The following CTBP2 variants were observed in gnomAD, a reference collection of about 807,000 sequenced individuals.
CTBP2 encodes the protein C-terminal-binding protein 2.
A neutral mutation model predicts 80.3 loss-of-function variants in CTBP2; 30 were observed. The ratio of observed to expected loss-of-function variants is 0.37; its 90% confidence interval spans 0.28 to 0.51. The LOEUF (loss-of-function observed/expected upper bound fraction) is 0.51, where lower values mean the gene tolerates loss of function less well. Among genes scored for constraint, CTBP2 ranks in the 20% least tolerant of loss-of-function variants. The pLI, the probability that CTBP2 is intolerant of heterozygous loss-of-function variation, is 0.93. For missense variants in CTBP2, 1,212 were observed against 1,375.3 expected, an observed-to-expected ratio of 0.88 and a Z score of 1.88; for synonymous variants, 594 against 587.4, an observed-to-expected ratio of 1.01 and a Z score of -0.16.
intron 6 of CTBP2, among the ~76,000 whole-genome samples, 157 bp downstream of exon 8, chr10:124,993,698 C>T (rs1364190739): frequency 1.3e-5 from 2 of 152,318 alleles, no homozygotes; most frequent in East Asian, 3.9e-4. Context: ...AATTAGAATA[C>T]AGCACAATCC....
rs529884486 is a variant in CTBP2, at chr10:125,056,986, T to G, written c.-101-17831A>C. Among the ~76,000 whole-genome samples, 3 of 152,242 alleles carry G rather than the reference T, an allele frequency of 2.0e-5. No individual in the cohort carries two copies. In the East Asian group the frequency reaches 5.8e-4, roughly 29 times the overall value. ...CACCTTCCCGAGGAAGACACAAGGG[T>G]CCCTCTGTCCCCGGGGTACACAGGG... On this transcript the variant is annotated intron_variant, in intron 2 of 10. Coordinates refer to the CTBP2 transcript ENST00000337195.
At chr10:125,009,041 G>A (rs1419733526) in intron 1 of CTBP2, among the ~76,000 whole-genome samples, 4 of 152,178 alleles carry the variant, frequency 2.6e-5, no homozygotes, top group Non-Finnish European at 5.9e-5. Flanking sequence ...AATAGAGAAT[G>A]TGAGGTCCCT....
intron 1 of CTBP2, among the ~76,000 whole-genome samples, chr10:125,126,245 G>A (rs1341791299): frequency 1.3e-5 from 2 of 152,156 alleles, no homozygotes; most frequent in Non-Finnish European, 2.9e-5. Flanking sequence ...TGGCAGGGTC[G>A]AGAGGAATGC....
chr10:125,025,878 C>T (rs1408225746), intron 1 of CTBP2, among the ~76,000 whole-genome samples: 1 of 152,246 alleles, frequency 6.6e-6, no homozygotes, highest in Non-Finnish European at 1.5e-5. Flanking sequence ...GCTGCCCCAG[C>T]AGATCTGGCC....
intron 2 of CTBP2, among the ~76,000 whole-genome samples, chr10:125,046,974 T>C (rs183861686): frequency 1.3e-5 from 2 of 152,348 alleles, no homozygotes; most frequent in East Asian, 3.9e-4. Context: ...AGAAAGAATT[T>C]GTGATTTTCC....
chr10:125,036,741 C>T (rs1958944627), intron 3 of CTBP2, among the ~76,000 whole-genome samples: 1 of 148,438 alleles, frequency 6.7e-6, no homozygotes, highest in Non-Finnish European at 1.5e-5. Context: ...TGTTCAAGGC[C>T]TTCAGGTGGA....
intron 3 of CTBP2, among the ~76,000 whole-genome samples, chr10:125,035,682 A>G (rs1958782751): frequency 1.3e-5 from 2 of 152,198 alleles, no homozygotes; most frequent in Non-Finnish European, 2.9e-5. Flanking sequence ...TCCCTTTGCA[A>G]TGCTGAGTGA....
chr10:125,036,248 A>G (rs1338755604), intron 3 of CTBP2, among the ~76,000 whole-genome samples: 2 of 152,298 alleles, frequency 1.3e-5, no homozygotes, highest in East Asian at 3.9e-4. Context: ...AAGGTTGTAC[A>G]AGTATCTGTG....
upstream of CTBP2, among the ~76,000 whole-genome samples, chr10:125,032,612 T>C (rs1958368846): frequency 1.3e-5 from 2 of 152,192 alleles, no homozygotes; most frequent in Non-Finnish European, 2.9e-5. Context: ...GCATGGCCGC[T>C]TAGCCCCTGA....
chr10:125,062,006 G>A (rs1245847547), intron 2 of CTBP2, among the ~76,000 whole-genome samples: 1 of 152,206 alleles, frequency 6.6e-6, no homozygotes, highest in Non-Finnish European at 1.5e-5. Flanking sequence ...ACCGAAGCCG[G>A]GTAGCCCAGG....
chr10:125,061,041 T>C (rs1016166509), intron 2 of CTBP2, among the ~76,000 whole-genome samples: 1 of 152,166 alleles, frequency 6.6e-6, no homozygotes, highest in Admixed American at 6.5e-5. Flanking sequence ...CCCTCAATGC[T>C]GAACTCTCCC....
At chr10:125,130,193 G>A (rs1437783271) in intron 1 of CTBP2, among the ~76,000 whole-genome samples, 1 of 152,052 alleles carries the variant, frequency 6.6e-6, no homozygotes, top group African/African-American at 2.4e-5. Context: ...GATTACAGAC[G>A]CACACCACCA....
chr10:125,076,528 C>T lies in CTBP2; in HGVS notation c.-102+34462G>A, dbSNP rs151140349. ...GGCCACCTCCCTTCTTTCATCACAGCCCCACACTCCTTCCAGCTCCTTCCA... is the reference window on the plus strand; with the variant it reads ...GGCCACCTCCCTTCTTTCATCACAGTCCCACACTCCTTCCAGCTCCTTCCA... On this transcript the variant is annotated intron_variant, in intron 2 of 10. Coordinates refer to the CTBP2 transcript ENST00000337195. Among the ~76,000 whole-genome samples, 1,407 of 152,304 alleles carry T rather than the reference C, an allele frequency of 9.2e-3. 9 individuals carry two copies. Among genetic ancestry groups the T allele is most frequent in the Non-Finnish European group, 0.015 (1,005 of 68,018 alleles).
At chr10:125,017,094 G>GA (rs1274111308) in intron 1 of CTBP2, among the ~76,000 whole-genome samples, 2 of 152,216 alleles carry the variant, frequency 1.3e-5, no homozygotes, top group Non-Finnish European at 2.9e-5. Context: ...GAGGAGGTAG[G>GA]AACCCCGGGG....
chr10:125,116,308 T>C (rs1020398202), intron 1 of CTBP2, among the ~76,000 whole-genome samples: 2 of 152,198 alleles, frequency 1.3e-5, no homozygotes, highest in African/African-American at 4.8e-5. Flanking sequence ...CTGAGGTTTC[T>C]GGAAGCATGG....
intron 2 of CTBP2, among the ~76,000 whole-genome samples, chr10:125,096,525 C>G (rs1849570344): frequency 6.6e-6 from 1 of 152,106 alleles, no homozygotes; most frequent in Admixed American, 6.5e-5. Flanking sequence ...CCCAGTAAAC[C>G]CCCTCCCTGC....
In CTBP2 at chr10:124,984,622, C is replaced by A; in HGVS notation, c.*4896G>T. On this transcript the variant is annotated 3_prime_UTR_variant, in exon 9 of 9. Coordinates refer to ENST00000309035, the MANE Select transcript of CTBP2 (RefSeq NM_022802.3). ...ACCAGAGCAAACTGGACTTTAATCA[C>A]AAAACTTCCAAGAGGTCAAAACCAT... The A allele has an allele frequency of 1.4e-6, 1 of 717,914 alleles. No individual in the cohort carries two copies. Among genetic ancestry groups the A allele is most frequent in the Non-Finnish European group, 2.2e-6 (1 of 453,278 alleles). The allele number at this position is 717,914 out of a possible 1,614,324, so 44.5% of individuals were successfully genotyped here.
intron 1 of CTBP2, among the ~76,000 whole-genome samples, chr10:125,119,247 T>C (rs906843630): frequency 6.6e-6 from 1 of 152,218 alleles, no homozygotes; most frequent in Non-Finnish European, 1.5e-5. Flanking sequence ...CAGGTTTTAA[T>C]GCAAGATCCC....
intron 1 of CTBP2, among the ~76,000 whole-genome samples, chr10:125,154,419 C>T (rs1860555721): frequency 6.6e-6 from 1 of 152,224 alleles, no homozygotes; most frequent in Non-Finnish European, 1.5e-5. Flanking sequence ...TCTATTATTA[C>T]CTAGGACAAA....
Sources: gnomAD v4.1 joint callset for allele counts (sites outside exome capture counted in the v4.1 genomes callset) on GRCh38, gnomAD v4.1.1 for gene constraint, MANE v1.5 for transcripts, NCBI Gene and HGNC (gene_info 2026-07-23, HGNC 2026-07-21) for gene names.